Variants in KLHL7 observed in about 807,000 individuals in gnomAD.
The protein encoded by KLHL7 is kelch-like protein 7.
A neutral mutation model predicts 67.4 loss-of-function variants in KLHL7; 44 were observed. The ratio of observed to expected loss-of-function variants is 0.65; its 90% CI spans 0.51 to 0.84. The LOEUF (loss-of-function observed/expected upper bound fraction) is 0.84. Among genes scored for constraint, KLHL7 ranks in the 40% least tolerant of loss-of-function variants. The probability of loss-of-function intolerance (pLI) is 0.00; values close to 1 mark genes in which losing one functional copy is unlikely to be tolerated. For missense variants in KLHL7, 362 were observed against 718.1 expected (o/e 0.50, Z 5.67); for synonymous variants, 252 against 243.3 (o/e 1.04, Z -0.33).
intron 2 of KLHL7, 142 bp from the exon 3 acceptor site, chr7:23,124,546 G>T (rs1310376413): frequency 1.4e-6 from 1 of 701,656 alleles, no homozygotes; most frequent in Admixed American, 2.0e-5. Context: ...CTATAGAAAT[G>T]TTGGGCTTGC....
intron 6 of KLHL7, among the ~76,000 whole-genome samples, chr7:23,151,115 GT>G (rs1784518092): frequency 6.9e-6 from 1 of 144,796 alleles, no homozygotes; most frequent in South Asian, 2.2e-4. Flanking sequence ...TGGCTCCTAT[GT>G]TTTTGGTCAT....
chr7:23,124,242 A>C (rs1180672289), intron 2 of KLHL7, among the ~76,000 whole-genome samples: 1 of 146,476 alleles, frequency 6.8e-6, no homozygotes, highest in African/African-American at 2.5e-5. Context: ...TTTCTTTTTA[A>C]CCTTAGGTGG....
chr7:23,113,189 C>G (rs1311155805), intron 1 of KLHL7, among the ~76,000 whole-genome samples: 1 of 151,822 alleles, frequency 6.6e-6, no homozygotes, highest in Admixed American at 6.6e-5. Context: ...GAAGGCAAAG[C>G]TGGAGGTTGA....
intron 4 of KLHL7, among the ~76,000 whole-genome samples, chr7:23,137,484 CTTT>C (rs529297991): frequency 1.4e-5 from 2 of 141,546 alleles, no homozygotes; most frequent in African/African-American, 2.6e-5. Context: ...CCAAAACTGT[CTTT>C]TTTTTTTTTT....
chr7:23,173,968 A>G, intron 10 of KLHL7, 47 bp from the exon 11 acceptor site: 1 of 1,571,220 alleles, frequency 6.4e-7, no homozygotes, highest in South Asian at 1.1e-5. Context: ...AAACCTTAGA[A>G]TTGTTGATAT....
intron 1 of KLHL7, among the ~76,000 whole-genome samples, chr7:23,121,589 C>T (rs1325151041): frequency 1.3e-5 from 2 of 151,864 alleles, no homozygotes; most frequent in African/African-American, 2.4e-5. Context: ...GTGTGAGCGA[C>T]CACACCGAGC....
intron 6 of KLHL7, among the ~76,000 whole-genome samples, chr7:23,150,334 G>C (rs1388251608): frequency 6.6e-6 from 1 of 151,982 alleles, no homozygotes; most frequent in Admixed American, 6.6e-5. Flanking sequence ...TACCCTTCCA[G>C]AGGTAGTCTT....
chr7:23,154,824 A>T (rs1363960893), intron 7 of KLHL7, among the ~76,000 whole-genome samples: 1 of 152,218 alleles, frequency 6.6e-6, no homozygotes, highest in Admixed American at 6.5e-5. Context: ...TCCTGGTTAT[A>T]TTAATCTGAT....
chr7:23,173,573 CA>C (rs1424621378), intron 10 of KLHL7, among the ~76,000 whole-genome samples: 3 of 152,124 alleles, frequency 2.0e-5, no homozygotes, highest in African/African-American at 7.2e-5. Flanking sequence ...AATCTAGACA[CA>C]AGCTTCAATT....
chr7:23,153,785 C>T (rs1189788856), intron 7 of KLHL7, among the ~76,000 whole-genome samples: 1 of 152,204 alleles, frequency 6.6e-6, no homozygotes. Flanking sequence ...ATTTCTCCTA[C>T]TCTAGATTTT....
intron 8 of KLHL7, among the ~76,000 whole-genome samples, chr7:23,166,189 C>G (rs1784999900): frequency 6.6e-6 from 1 of 152,042 alleles, no homozygotes; most frequent in Non-Finnish European, 1.5e-5. Context: ...CATTAGTTGA[C>G]ATTATCTGAA....
intron 4 of KLHL7, among the ~76,000 whole-genome samples, chr7:23,135,194 G>A (rs1783934299): frequency 1.3e-5 from 2 of 152,044 alleles, no homozygotes; most frequent in African/African-American, 4.8e-5. Flanking sequence ...TGATCCCCTG[G>A]TCATTCAGGA....
At chr7:23,166,726 T>G (rs1785013008) in intron 8 of KLHL7, among the ~76,000 whole-genome samples, 1 of 152,194 alleles carries the variant, frequency 6.6e-6, no homozygotes, top group African/African-American at 2.4e-5. Flanking sequence ...AAAAGCATTC[T>G]TCACAGACTG....
intron 1 of KLHL7, among the ~76,000 whole-genome samples, chr7:23,118,848 G>T (rs1468151386): frequency 6.6e-6 from 1 of 152,072 alleles, no homozygotes; most frequent in African/African-American, 2.4e-5. Context: ...AAGGTAGTAA[G>T]ATTGCTTTAA....
At position 23,113,131 on chromosome 7, in the gene KLHL7, C is replaced by T. The variant is rs1782942763; in HGVS notation, c.120+6985C>T. ...TTCTATCCAGTGATTTCTCTTTTCTCTAAAAAAAAAAAATAGAATGAGATC... is the reference window on the plus strand; with the variant it reads ...TTCTATCCAGTGATTTCTCTTTTCTTTAAAAAAAAAAAATAGAATGAGATC... On this transcript the variant is annotated intron_variant, in intron 1 of 10. Coordinates refer to ENST00000339077, the MANE Select transcript of KLHL7 (RefSeq NM_001031710.3). Among the ~76,000 whole-genome samples the T allele has an allele frequency of 7.7e-5, 9 of 116,480 alleles. No individual in the cohort carries two copies. In the South Asian group the frequency reaches 2.1e-3, roughly 28 times the overall value. 76.4% of individuals were successfully genotyped at this position (116,480 alleles called of 152,430 possible). A position where few individuals can be genotyped will look rare whatever the true frequency, so the allele number is the denominator to read the frequency against.
chr7:23,117,923 A>T lies in KLHL7; in HGVS notation c.121-5854A>T, dbSNP rs755160067. Reference sequence around the variant, plus strand: ...CCAATTTGATATCATGCTGGGAGGGACTGATTGCAGAACCTTCTTGACAAG... The same window carrying T: ...CCAATTTGATATCATGCTGGGAGGGTCTGATTGCAGAACCTTCTTGACAAG... On this transcript the variant is annotated intron_variant, in intron 1 of 10. Transcript: ENST00000339077. 16 of 1,613,966 alleles carry T rather than the reference A, an allele frequency of 9.9e-6. No individual in the cohort carries two copies. In the South Asian group the frequency reaches 1.3e-4, roughly 13 times the overall value.
chr7:23,110,393 GTAT>G (rs1416758498), intron 1 of KLHL7, among the ~76,000 whole-genome samples: 2 of 152,256 alleles, frequency 1.3e-5, no homozygotes, highest in East Asian at 1.9e-4. Context: ...CTTCTCAGAA[GTAT>G]TATACTGTTG....
In KLHL7 at chr7:23,123,838, T is replaced by C. The variant is rs1783451413; in HGVS notation, c.182T>C (p.Val61Ala). The change falls in exon 2 of 11, where the codon GTT becomes GCT. Residue 61 changes from valine to alanine, a missense_variant. Transcript: ENST00000339077. ...QERKIPAHRV[V>A]LAAASHFFNL... Reference sequence around the variant, plus strand: ...AGAAAGATACCTGCTCATCGTGTTGTTCTTGCTGCAGCCAGTCATTTTTTT... The same window carrying C: ...AGAAAGATACCTGCTCATCGTGTTGCTCTTGCTGCAGCCAGTCATTTTTTT... 2 of 1,613,674 alleles carry C rather than the reference T, an allele frequency of 1.2e-6. No individual in the cohort carries two copies. The highest frequency in any genetic ancestry group is 1.3e-5 in the African/African-American group (1 of 74,918).
intron 9 of KLHL7, among the ~76,000 whole-genome samples, chr7:23,170,270 A>C (rs1447374068): frequency 6.6e-6 from 1 of 152,178 alleles, no homozygotes; most frequent in Non-Finnish European, 1.5e-5. Flanking sequence ...AGTTTTTTTT[A>C]ATAAGAATTT....
Sources: gnomAD v4.1 joint callset for allele counts (sites outside exome capture counted in the v4.1 genomes callset) on GRCh38, gnomAD v4.1.1 for gene constraint, MANE v1.5 for transcripts, NCBI Gene and HGNC (gene_info 2026-07-23, HGNC 2026-07-21) for gene names.